Variants in COL9A3 observed in about 807,000 individuals in gnomAD.
COL9A3 encodes collagen type IX alpha 3 chain, also known as collagen alpha-3(IX) chain.
Under a neutral mutation model 110.2 loss-of-function variants are expected in COL9A3, and 82 were observed. That is an observed-to-expected ratio of 0.74 (90% CI 0.62 to 0.89). The LOEUF (loss-of-function observed/expected upper bound fraction) is 0.89. Ranked by LOEUF, COL9A3 falls within the 40% of genes least tolerant of loss-of-function variation. The pLI, the probability that COL9A3 is intolerant of heterozygous loss-of-function variation, is 0.00. For synonymous variants in COL9A3, 494 were observed against 403.8 expected, an observed-to-expected ratio of 1.22 and a Z score of -2.68; for missense variants, 1,066 against 981.3, an observed-to-expected ratio of 1.09 and a Z score of -1.15.
Position 62,832,384 on chromosome 20 carries a change from A to T in COL9A3, c.1323+195A>T, listed in dbSNP as rs540829636. Among the ~76,000 whole-genome samples the T allele has an allele frequency of 5.9e-5, 9 of 152,258 alleles. No individual in the cohort carries two copies. In the South Asian group the frequency reaches 1.9e-3, roughly 32 times the overall value. Reference sequence around the variant, plus strand: ...TAGCACAGCGAAAGCAGCTCTGGGCACCCAGCCCCCAGGCACGCCCCGGCA... The same window carrying T: ...TAGCACAGCGAAAGCAGCTCTGGGCTCCCAGCCCCCAGGCACGCCCCGGCA... On this transcript the variant is annotated intron_variant, in intron 25 of 31. Coordinates refer to ENST00000649368, the MANE Select transcript of COL9A3 (RefSeq NM_001853.4).
Position 62,830,251 on chromosome 20 carries a change from G to A in COL9A3, c.1162-109G>A, listed in dbSNP as rs529278375. 1.5e-4 allele frequency: 198 copies of A among 1,310,522 alleles called. No homozygotes were observed. In the African/African-American group the frequency reaches 2.6e-3, roughly 17 times the overall value. The allele number at this position is 1,310,522 out of a possible 1,614,324, so 81.2% of individuals were successfully genotyped here. On this transcript the variant is annotated intron_variant, in intron 22 of 31. Transcript: ENST00000649368. Reference sequence around the variant, plus strand: ...AACCCAGCCAGGTGGCTTAGAACCGGCTCCTGTGTCCACCCACTCTGGGGG... The same window carrying A: ...AACCCAGCCAGGTGGCTTAGAACCGACTCCTGTGTCCACCCACTCTGGGGG...
Position 62,836,199 on chromosome 20 carries a change from G to A in COL9A3, c.1414G>A (p.Gly472Arg), listed in dbSNP as rs1383589775. The A allele has an allele frequency of 1.3e-5, 21 of 1,613,408 alleles. No homozygotes were observed. Among genetic ancestry groups the A allele is most frequent in the Non-Finnish European group, 1.7e-5 (20 of 1,179,960 alleles). ...TGTTCCTCTGCAGTCTGGCAGTCGAGGGGAGCTGGGCCCCAAAGGCACCCA... is the reference window on the plus strand; with the variant it reads ...TGTTCCTCTGCAGTCTGGCAGTCGAAGGGAGCTGGGCCCCAAAGGCACCCA... ...VGPKGESGSR[G>R]ELGPKGTQGP... Residue 472 changes from glycine to arginine, a missense_variant, in exon 28 of 32, where the codon GGG (glycine) becomes AGG (arginine). By Grantham distance (125) the Gly-to-Arg change is moderately radical (BLOSUM62 -2). Coordinates refer to ENST00000649368, the MANE Select transcript of COL9A3 (RefSeq NM_001853.4).
intron 15 of COL9A3, 35 bp downstream of exon 15, chr20:62,826,855 C>T (rs369766107): frequency 2.7e-5 from 43 of 1,608,768 alleles, no homozygotes; most frequent in African/African-American, 2.1e-4. Flanking sequence ...CGCCATGCCT[C>T]GTGACCTCTC....
chr20:62,829,757 T>A lies in COL9A3; in HGVS notation c.1108-9T>A, dbSNP rs773182353. 1 of 1,591,276 alleles carries A rather than the reference T, an allele frequency of 6.3e-7. No individual in the cohort carries two copies. Among genetic ancestry groups the A allele is most frequent in the Non-Finnish European group, 8.6e-7 (1 of 1,169,332 alleles). On this transcript the variant is annotated splice_polypyrimidine_tract_variant and intron_variant, in intron 21 of 31. Transcript: ENST00000649368. ...CCCTGCCCTGACACCCTCCTTCCTT[T>A]CCCTGTAGGGAGATGCTGGCATGCC...
rs752954370 is a variant in COL9A3 at position 62,827,295 on chromosome 20, G to A, written c.846+1G>A. The stretch of plus-strand genomic sequence containing the variant: ...GTTCCGCGGCCCCAAGGGTGACCTC[G>A]TAAGTGAGAGGGAAGTTGGTTCCCT... On this transcript the variant is annotated splice_donor_variant, in intron 16 of 31. Transcript: ENST00000649368. LOFTEE classifies it high-confidence loss of function. 6.2e-6 allele frequency: 10 copies of A among 1,612,892 alleles called. No individual in the cohort carries two copies. Among genetic ancestry groups the A allele is most frequent in the African/African-American group, 4.0e-5 (3 of 74,926 alleles).
At position 62,832,208 on chromosome 20, in the gene COL9A3, G is replaced by T. The variant is rs2147220625; in HGVS notation, c.1323+19G>T. 1 of 1,612,122 alleles carries T rather than the reference G, an allele frequency of 6.2e-7. No homozygotes were observed. Among genetic ancestry groups the T allele is most frequent in the East Asian group, 2.2e-5 (1 of 44,884 alleles). ...AGACCAGGTGAGCTGGGCACAGGCT[G>T]GGGCAAAAGGAATGAAGGCAAAGCT... On this transcript the variant is annotated intron_variant, in intron 25 of 31. Transcript: ENST00000649368.
chr20:62,828,051 A>T, intron 17 of COL9A3, 75 bp downstream of exon 17: 1 of 1,508,194 alleles, frequency 6.6e-7, no homozygotes, highest in Non-Finnish European at 9.2e-7. Flanking sequence ...TGGCATTCAG[A>T]AGGGCTGGAG....
Position 62,819,214 on chromosome 20 carries a change from C to T in COL9A3, c.184-8C>T. 1 of 1,612,590 alleles carries T rather than the reference C, an allele frequency of 6.2e-7. No homozygotes were observed. The highest frequency in any genetic ancestry group is 1.1e-5 in the South Asian group (1 of 91,044). On this transcript the variant is annotated splice_region_variant and splice_polypyrimidine_tract_variant and intron_variant, in intron 3 of 31. Coordinates refer to ENST00000649368, the MANE Select transcript of COL9A3 (RefSeq NM_001853.4). ...GCCTTCACATCTCTGCCCTTTCCTC[C>T]TGCACAGGGACCAAAGGGGGCCCCA...
At position 62,830,557 on chromosome 20, in the gene COL9A3, C is replaced by G. The variant is rs1387348799; in HGVS notation, c.1256C>G (p.Pro419Arg). 1 of 1,606,872 alleles carries G rather than the reference C, an allele frequency of 6.2e-7. No homozygotes were observed. Among genetic ancestry groups the G allele is most frequent in the African/African-American group, 1.3e-5 (1 of 74,834 alleles). ...GSMGDPGLPG[P>R]QGLRGDVGDR... ...ATGGGAGACCCCGGCCTTCCAGGCCCCCAGGGCCTCCGAGGTGACGTGGGC... is the reference window on the plus strand; with the variant it reads ...ATGGGAGACCCCGGCCTTCCAGGCCGCCAGGGCCTCCGAGGTGACGTGGGC... The change falls in exon 24 of 32, where the codon CCC becomes CGC. Residue 419 changes from proline (P) to arginine (R), a missense_variant. By Grantham distance (103) the Pro-to-Arg change is moderately radical. Coordinates refer to ENST00000649368, the MANE Select transcript of COL9A3 (RefSeq NM_001853.4).
At position 62,835,282 on chromosome 20, in the gene COL9A3, C is replaced by T. The variant is rs140525453; in HGVS notation, c.1369-639C>T. Among the ~76,000 whole-genome samples the T allele has an allele frequency of 7.1e-3, 1,075 of 152,242 alleles. 8 individuals carry two copies. Among genetic ancestry groups the T allele is most frequent in the African/African-American group, 0.024 (1,003 of 41,540 alleles). ...TTCTGGAGGCTGGGAAGCCCAAGAC[C>T]GAGGGGTGCATCCATCGAGGGCCTC... On this transcript the variant is annotated intron_variant, in intron 26 of 31. Transcript: ENST00000649368.
intron 26 of COL9A3, among the ~76,000 whole-genome samples, chr20:62,835,552 G>A (rs2063628647): frequency 6.6e-6 from 1 of 152,156 alleles, no homozygotes; most frequent in Non-Finnish European, 1.5e-5. Context: ...ACGCACCTGG[G>A]GCCAGTCATT....
At position 62,824,465 on chromosome 20, in the gene COL9A3, A is replaced by G; in HGVS notation, c.540A>G (p.Pro180=). The G allele has an allele frequency of 6.2e-7, 1 of 1,600,118 alleles. No homozygotes were observed. The highest frequency in any genetic ancestry group is 1.7e-5 in the Admixed American group (1 of 58,480). The change falls in exon 11 of 32, where the codon CCA becomes CCG. Residue 180 remains proline, a synonymous_variant. Coordinates refer to ENST00000649368, the MANE Select transcript of COL9A3 (RefSeq NM_001853.4). Reference sequence around the variant, plus strand: ...GACAGTGCCCAAGTATCTGCCCGCCAGGTCCCCCAGGGCCCCCTGGAATGC... The same window carrying G: ...GACAGTGCCCAAGTATCTGCCCGCCGGGTCCCCCAGGGCCCCCTGGAATGC... ...TDLQCPSICP[P]GPPGPPGMPG...
chr20:62,825,635 C>A (rs1245676812), intron 12 of COL9A3, 182 bp from the exon 13 acceptor site: 2 of 673,704 alleles, frequency 3.0e-6, no homozygotes, highest in Non-Finnish European at 5.3e-6. Context: ...GGCGAGGCCA[C>A]CGAGACTCGC....
chr20:62,823,606 C>A (rs2063527546), intron 10 of COL9A3, among the ~76,000 whole-genome samples: 1 of 152,194 alleles, frequency 6.6e-6, no homozygotes, highest in South Asian at 2.1e-4. Flanking sequence ...TGGTTGGGCC[C>A]CCGATCGTGG....
chr20:62,828,586 C>T (rs541524346), intron 17 of COL9A3, among the ~76,000 whole-genome samples, 178 bp from the exon 18 acceptor site: 1 of 152,384 alleles, frequency 6.6e-6, no homozygotes, highest in South Asian at 2.1e-4. Context: ...CCTGTGCGGT[C>T]ACCGAGGCAG....
chr20:62,825,733 G>T, intron 12 of COL9A3, 84 bp from the exon 13 acceptor site: 1 of 1,401,870 alleles, frequency 7.1e-7, no homozygotes. Flanking sequence ...CAGCTGCTTG[G>T]GCTTGAGTAG....
At chr20:62,833,461 T>G (rs992425509) in intron 26 of COL9A3, among the ~76,000 whole-genome samples, 1 of 152,204 alleles carries the variant, frequency 6.6e-6, no homozygotes, top group African/African-American at 2.4e-5. Context: ...TGGAGTGCAG[T>G]GGCGCGATCT....
rs200427484 is a variant in COL9A3, at chr20:62,822,212, C to T, written c.477+48C>T. 140 of 1,091,988 alleles carry T rather than the reference C, an allele frequency of 1.3e-4. No homozygotes were observed. In the African/African-American group the frequency reaches 1.7e-3, roughly 13 times the overall value. The allele number at this position is 1,091,988 out of a possible 1,614,324, so 67.6% of individuals were successfully genotyped here. On this transcript the variant is annotated intron_variant, in intron 9 of 31. Coordinates refer to ENST00000649368, the MANE Select transcript of COL9A3 (RefSeq NM_001853.4). ...AAGAAGTGCTGGGCATGGACTAGGA[C>T]ACTGGGTTGGACCCTCCCCATTCCC...
At chr20:62,818,490 G>C in intron 2 of COL9A3, 28 bp from the exon 3 acceptor site, 5 of 1,611,618 alleles carry the variant, frequency 3.1e-6, no homozygotes, top group Non-Finnish European at 4.2e-6. Flanking sequence ...TGATTTTCAG[G>C]GTTACATGTG....
Sources: gnomAD v4.1 joint callset for allele counts (sites outside exome capture counted in the v4.1 genomes callset) on GRCh38, gnomAD v4.1.1 for gene constraint, MANE v1.5 for transcripts, NCBI Gene and HGNC (gene_info 2026-07-23, HGNC 2026-07-21) for gene names.